CDC25A: variants seen among roughly 807,000 people sequenced by gnomAD.
CDC25A encodes the protein cell division cycle 25A.
Under a neutral mutation model 64.6 loss-of-function variants are expected in CDC25A, and 17 were observed. The observed-to-expected ratio is 0.26, with a 90% CI of 0.18 to 0.39. CDC25A has a LOEUF of 0.39. CDC25A is among the 10% of genes least tolerant of loss of function. The pLI is 1.00. For synonymous variants in CDC25A, 229 were observed against 238.6 expected (o/e 0.96, Z 0.37); for missense variants, 473 against 654.8 (o/e 0.72, Z 3.03).
At chr3:48,182,238 A>C (rs1432803121) in intron 5 of CDC25A, among the ~76,000 whole-genome samples, 1 of 152,242 alleles carries the variant, frequency 6.6e-6, no homozygotes, top group East Asian at 1.9e-4. Context: ...TTTCACACTA[A>C]ACCTGAAGAT....
chr3:48,177,957 G>A lies in CDC25A; in HGVS notation c.581C>T (p.Pro194Leu). Reference sequence around the variant, plus strand: ...TGTAAAAAGAGGAATGAAATTCCCTGGTTCACTGCTATCTCTTTCATTTGA... The same window carrying A: ...TGTAAAAAGAGGAATGAAATTCCCTAGTTCACTGCTATCTCTTTCATTTGA... ...LSSNERDSSE[P>L]GNFIPLFTPQ... Residue 194 changes from proline (P) to leucine (L), a missense_variant, in exon 7 of 15, where the codon CCA becomes CTA. By Grantham distance (98) the Pro-to-Leu change is moderately conservative (BLOSUM62 -3). This residue lies in a region of CDC25A where 376 missense variants were observed against 431.9 expected (regional missense o/e 0.87). Coordinates refer to ENST00000302506, the MANE Select transcript of CDC25A (RefSeq NM_001789.3). 1.2e-6 allele frequency: 2 copies of A among 1,613,474 alleles called. No homozygotes were observed.
chr3:48,165,618 A>G lies in CDC25A; in HGVS notation c.1191+18T>C. 1.9e-6 allele frequency: 3 copies of G among 1,561,650 alleles called. No homozygotes were observed. The highest frequency in any genetic ancestry group is 2.6e-6 in the Non-Finnish European group (3 of 1,132,550). On this transcript the variant is annotated intron_variant, in intron 12 of 14. Coordinates refer to ENST00000302506, the MANE Select transcript of CDC25A (RefSeq NM_001789.3). ...CCTGTTTAGGGCTCCTTCTACAGCA[A>G]GTCTCAGGAATCCATACCTTGATGT... is the stretch of plus-strand genomic sequence containing the variant.
At position 48,177,380 on chromosome 3, in the gene CDC25A, A is replaced by G; in HGVS notation, c.747T>C (p.Thr249=). The change falls in exon 8 of 15, where the codon ACT becomes ACC. Residue 249 remains threonine (T), a synonymous_variant. Transcript: ENST00000302506. ...SLWTAPLVMR[T]TNLDNRCKLF... is the part of the protein sequence containing the mutation. ...CACTAGAACAACTCACAAGGTTTGT[A>G]GTTCTCATGACGAGAGGAGCTGTCC... 1 of 1,612,828 alleles carries G rather than the reference A, an allele frequency of 6.2e-7. No individual in the cohort carries two copies. Among genetic ancestry groups the G allele is most frequent in the African/African-American group, 1.3e-5 (1 of 75,030 alleles).
rs371928109 is a variant in CDC25A at position 48,186,683 on chromosome 3, C to A, written c.247+20G>T. The A allele has an allele frequency of 6.6e-7, 1 of 1,516,094 alleles. No individual in the cohort carries two copies. Among genetic ancestry groups the A allele is most frequent in the South Asian group, 1.2e-5 (1 of 86,902 alleles). The allele number at this position is 1,516,094 out of a possible 1,614,324, so 93.9% of individuals were successfully genotyped here. A position where few individuals can be genotyped will look rare whatever the true frequency, so the allele number is the denominator to read the frequency against. On this transcript the variant is annotated intron_variant, in intron 2 of 14. Coordinates refer to ENST00000302506, the MANE Select transcript of CDC25A (RefSeq NM_001789.3). ...TCAGGAAATTCAGAGTATTGCTCCC[C>A]ACACAGCAGACTTAAATACCTGAAT...
At chr3:48,173,671 G>C (rs1010205758) in intron 9 of CDC25A, among the ~76,000 whole-genome samples, 3 of 152,200 alleles carry the variant, frequency 2.0e-5, no homozygotes, top group Non-Finnish European at 4.4e-5. Flanking sequence ...AATGAGACAA[G>C]TCCCCACCCA....
chr3:48,159,323 T>G (rs757173622), intron 14 of CDC25A, 21 bp downstream of exon 14: 3 of 1,538,110 alleles, frequency 2.0e-6, no homozygotes, highest in Non-Finnish European at 2.7e-6. Flanking sequence ...GGAGAGATGC[T>G]CTCCACAACC....
chr3:48,172,602 C>G (rs572404643), intron 9 of CDC25A, among the ~76,000 whole-genome samples: 1 of 152,370 alleles, frequency 6.6e-6, no homozygotes, highest in East Asian at 1.9e-4. Context: ...GTGTCTAACA[C>G]CTATGATCCT....
At chr3:48,183,920 T>C (rs1400862992) in intron 3 of CDC25A, 84 bp from the exon 4 acceptor site, 1 of 818,124 alleles carries the variant, frequency 1.2e-6, no homozygotes, top group East Asian at 2.6e-5. Context: ...GTTTAGCCTG[T>C]AGCTTGGGGG....
rs1349808853 is a variant in CDC25A, at chr3:48,158,645, A to T, written c.*300T>A. On this transcript the variant is annotated 3_prime_UTR_variant, in exon 15 of 15. Transcript: ENST00000302506. ...CCTCATGAGATGGCTGGAGCCCGAT[A>T]AGGCCCCGGCTGGTTCATCCCACTG... is the stretch of plus-strand genomic sequence containing the variant. 4 of 266,080 alleles carry T rather than the reference A, an allele frequency of 1.5e-5. No individual in the cohort carries two copies. Among genetic ancestry groups the T allele is most frequent in the African/African-American group, 8.7e-5 (4 of 45,960 alleles). The allele number at this position is 266,080 out of a possible 1,614,324, so 16.5% of individuals were successfully genotyped here.
chr3:48,179,950 T>C (rs2106748220), intron 6 of CDC25A, among the ~76,000 whole-genome samples: 1 of 152,296 alleles, frequency 6.6e-6, no homozygotes, highest in African/African-American at 2.4e-5. Context: ...AATCTATAGA[T>C]GCTATCAGTT....
At chr3:48,172,124 A>G (rs904452466) in intron 9 of CDC25A, among the ~76,000 whole-genome samples, 46 of 152,154 alleles carry the variant, frequency 3.0e-4, no homozygotes, top group African/African-American at 1.1e-3. Flanking sequence ...TGATCGTGCT[A>G]GTGCACTCCA....
At chr3:48,182,874 G>T in intron 5 of CDC25A, 55 bp downstream of exon 5, 2 of 1,172,442 alleles carry the variant, frequency 1.7e-6, no homozygotes, top group South Asian at 1.2e-5. Flanking sequence ...CTAAGCCACT[G>T]ACAGCCTGTG....
intron 6 of CDC25A, among the ~76,000 whole-genome samples, chr3:48,179,263 G>A (rs1288269365): frequency 2.6e-5 from 4 of 152,140 alleles, no homozygotes; most frequent in African/African-American, 4.8e-5. Context: ...CATTTGTGAG[G>A]TATGTTCTGG....
intron 12 of CDC25A, 69 bp from the exon 13 acceptor site, chr3:48,164,506 A>T (rs2031920783): frequency 1.4e-6 from 2 of 1,380,076 alleles, no homozygotes; most frequent in Admixed American, 3.0e-5. Flanking sequence ...AGCAAGATGT[A>T]ATGATTCATC....
intron 8 of CDC25A, among the ~76,000 whole-genome samples, chr3:48,175,525 T>C (rs2032424756): frequency 6.6e-6 from 1 of 152,216 alleles, no homozygotes; most frequent in East Asian, 1.9e-4. Context: ...ATCTTCCTGA[T>C]AGTCCCCAGT....
chr3:48,174,498 A>C (rs1169282805), intron 8 of CDC25A, 41 bp from the exon 9 acceptor site: 1 of 1,573,412 alleles, frequency 6.4e-7, no homozygotes, highest in Non-Finnish European at 8.6e-7. Flanking sequence ...TTTCATTAAA[A>C]CCTGTTCACT....
chr3:48,163,283 C>CAAAAA (rs753999679), intron 13 of CDC25A, among the ~76,000 whole-genome samples: 1 of 90,298 alleles, frequency 1.1e-5, no homozygotes, highest in African/African-American at 3.7e-5. Context: ...GCCTCCGCCT[C>CAAAAA]AAAAAAAAAA....
intron 2 of CDC25A, 58 bp downstream of exon 2, chr3:48,186,645 G>A: frequency 9.2e-7 from 1 of 1,083,476 alleles, no homozygotes; most frequent in South Asian, 1.3e-5. Context: ...CCTCCTGGGT[G>A]AAAAGGCATG....
At chr3:48,165,106 TCA>T (rs2031947840) in intron 12 of CDC25A, among the ~76,000 whole-genome samples, 1 of 18,758 alleles carries the variant, frequency 5.3e-5, no homozygotes, top group African/African-American at 1.0e-4. Context: ...GGACTCTGTC[TCA>T]AAAAAAAAAA....
Sources: allele counts gnomAD v4.1 joint callset (sites outside exome capture counted in the v4.1 genomes callset), GRCh38; gene constraint gnomAD v4.1.1; regional missense constraint gnomAD v4.1.1; transcripts MANE v1.5; gene names NCBI Gene and HGNC (gene_info 2026-07-23, HGNC 2026-07-21).